The following FARP2 variants were observed in gnomAD, a reference collection of about 807,000 sequenced individuals.
FARP2 encodes FERM, ARHGEF and pleckstrin domain-containing protein 2.
A neutral mutation model predicts 130.5 loss-of-function variants in FARP2; 111 were observed. That is an observed-to-expected ratio of 0.85 (90% CI 0.73 to 1.00). FARP2 has a LOEUF of 1.00. FARP2 is among the 50% of genes least tolerant of loss of function. FARP2 has a pLI of 0.00. For synonymous variants in FARP2, 504 were observed against 516.9 expected, an observed-to-expected ratio of 0.98 and a Z score of 0.34; for missense variants, 1,385 against 1,346.3, an observed-to-expected ratio of 1.03 and a Z score of -0.45.
intron 13 of FARP2, among the ~76,000 whole-genome samples, chr2:241,451,406 A>G (rs1048241034): frequency 3.3e-5 from 5 of 152,232 alleles, no homozygotes; most frequent in African/African-American, 1.2e-4. Flanking sequence ...TCAGTAAAAC[A>G]TAACTACTGT....
chr2:241,453,769 G>GGTTTTTTT, intron 13 of FARP2, among the ~76,000 whole-genome samples: 1 of 54,020 alleles, frequency 1.9e-5, no homozygotes, highest in East Asian at 6.5e-4. Flanking sequence ...GCACTTACTG[G>GGTTTTTTT]TTTTTTTTTT....
chr2:241,383,615 C>G (rs937493079), intron 2 of FARP2, among the ~76,000 whole-genome samples: 1 of 152,106 alleles, frequency 6.6e-6, no homozygotes, highest in Non-Finnish European at 1.5e-5. Context: ...AAGAGGGGAG[C>G]CTTTGGGTGA....
intron 17 of FARP2, 151 bp downstream of exon 17, chr2:241,464,131 G>A (rs999164554): frequency 2.9e-4 from 185 of 633,290 alleles, no homozygotes; most frequent in Non-Finnish European, 9.8e-5. Flanking sequence ...CTTAGAACAG[G>A]GCCCCCTCAG....
At chr2:241,387,988 G>T (rs1409768561) in intron 2 of FARP2, among the ~76,000 whole-genome samples, 1 of 152,000 alleles carries the variant, frequency 6.6e-6, no homozygotes, top group Non-Finnish European at 1.5e-5. Context: ...TGTTAAGATG[G>T]CAATACTCTC....
chr2:241,402,767 G>A (rs2062203238), intron 2 of FARP2, among the ~76,000 whole-genome samples: 1 of 137,870 alleles, frequency 7.3e-6, no homozygotes, highest in African/African-American at 2.8e-5. Context: ...CCTGGGCTCA[G>A]GTGATCCTCC....
chr2:241,431,652 G>A, intron 8 of FARP2, 27 bp from the exon 9 acceptor site: 2 of 1,202,858 alleles, frequency 1.7e-6, no homozygotes, highest in Non-Finnish European at 2.5e-6. Flanking sequence ...AGATACAAAT[G>A]TAATCTGTCT....
intron 3 of FARP2, 46 bp downstream of exon 3, chr2:241,403,978 G>C (rs1236860078): frequency 9.8e-7 from 1 of 1,022,506 alleles, no homozygotes. Context: ...TGGGCCTGCT[G>C]TGATGACAGC....
intron 12 of FARP2, among the ~76,000 whole-genome samples, chr2:241,437,522 G>C (rs112807733): frequency 0.016 from 2,500 of 152,124 alleles, 47 homozygotes; most frequent in African/African-American, 0.043. Flanking sequence ...CTGGAGTGCA[G>C]TGGCATGATC....
intron 8 of FARP2, among the ~76,000 whole-genome samples, chr2:241,428,298 AG>A (rs201673945): frequency 0.021 from 2,983 of 142,872 alleles, 51 homozygotes; most frequent in Middle Eastern, 0.13. Flanking sequence ...ACAGTGGCGC[AG>A]TCTCTGCTCA....
intron 13 of FARP2, among the ~76,000 whole-genome samples, chr2:241,452,430 T>TA (rs747635242): frequency 3.3e-5 from 5 of 152,236 alleles, no homozygotes; most frequent in African/African-American, 7.2e-5. Flanking sequence ...CCCACAGATT[T>TA]ACTGACTTTC....
At chr2:241,441,679 G>A (rs746756838) in intron 13 of FARP2, 123 bp downstream of exon 13, 1 of 1,368,126 alleles carries the variant, frequency 7.3e-7, no homozygotes, top group South Asian at 1.2e-5. Flanking sequence ...TTGTAAAAAT[G>A]ACAATGGTGG....
intron 8 of FARP2, among the ~76,000 whole-genome samples, chr2:241,422,744 G>A (rs1238565121): frequency 6.6e-6 from 1 of 152,138 alleles, no homozygotes; most frequent in Non-Finnish European, 1.5e-5. Context: ...CAACACAGGA[G>A]CTTATAGCCG....
At chr2:241,437,689 G>C (rs2063276913) in intron 12 of FARP2, among the ~76,000 whole-genome samples, 1 of 108,218 alleles carries the variant, frequency 9.2e-6, no homozygotes, top group African/African-American at 2.8e-5. Context: ...TTTTGAGACG[G>C]AGTCTTGCTC....
At chr2:241,471,562 C>T (rs528148991) in intron 18 of FARP2, 1 of 136,562 alleles carries the variant, frequency 7.3e-6, no homozygotes, top group Non-Finnish European at 1.5e-5. Flanking sequence ...GGCAGGATCT[C>T]GGCTCACTGC....
chr2:241,409,765 G>A (rs939405004), intron 5 of FARP2, among the ~76,000 whole-genome samples: 1 of 152,234 alleles, frequency 6.6e-6, no homozygotes, highest in South Asian at 2.1e-4. Flanking sequence ...TATTAAGCAT[G>A]CTGTGGACAT....
At chr2:241,387,242 A>T (rs1447354940) in intron 2 of FARP2, 1 of 152,248 alleles carries the variant, frequency 6.6e-6, no homozygotes, top group Non-Finnish European at 1.5e-5. Flanking sequence ...CAGCCAGAGC[A>T]GCTGGGAAGA....
chr2:241,393,528 TG>T, intron 2 of FARP2, among the ~76,000 whole-genome samples: 1 of 152,334 alleles, frequency 6.6e-6, no homozygotes, highest in Middle Eastern at 3.4e-3. Flanking sequence ...AAAGGAAATT[TG>T]GGATTGATCT....
At chr2:241,456,622 T>C (rs911856050) in intron 13 of FARP2, 125 bp from the exon 14 acceptor site, 14 of 841,498 alleles carry the variant, frequency 1.7e-5, no homozygotes, top group Non-Finnish European at 2.7e-5. Context: ...ATACACATTT[T>C]ACAGGAAGCG....
chr2:241,466,150 G>T lies in FARP2; in HGVS notation c.1894-1990G>T, dbSNP rs62190406. 9,800 of 1,069,188 alleles carry T rather than the reference G, an allele frequency of 9.2e-3. 41 individuals are homozygous for T. Among genetic ancestry groups the T allele is most frequent in the Non-Finnish European group, 0.01 (9,001 of 880,416 alleles). 66.2% of individuals were successfully genotyped at this position (1,069,188 alleles called of 1,614,324 possible). On this transcript the variant is annotated intron_variant, in intron 17 of 26. Coordinates refer to ENST00000264042, the MANE Select transcript of FARP2 (RefSeq NM_014808.4). Reference sequence around the variant, plus strand: ...ACAAAACCAAATCTGGGTGTCAGAGGCCAAGACCCCAGGTTGGGATCAGGG... The same window carrying T: ...ACAAAACCAAATCTGGGTGTCAGAGTCCAAGACCCCAGGTTGGGATCAGGG...
Sources: allele counts gnomAD v4.1 joint callset (sites outside exome capture counted in the v4.1 genomes callset), GRCh38; gene constraint gnomAD v4.1.1; transcripts MANE v1.5; gene names NCBI Gene and HGNC (gene_info 2026-07-23, HGNC 2026-07-21).